Variants in HGSNAT observed in about 807,000 individuals in gnomAD.
The protein encoded by HGSNAT is heparan-alpha-glucosaminide N-acetyltransferase.
Under a neutral mutation model 85.2 loss-of-function variants are expected in HGSNAT, and 59 were observed. The observed-to-expected ratio is 0.69, with a 90% CI of 0.56 to 0.86. The LOEUF is 0.86. Among genes scored for constraint, HGSNAT ranks in the 40% least tolerant of loss-of-function variants. The probability of loss-of-function intolerance (pLI) is 0.00; values close to 1 mark genes in which losing one functional copy is unlikely to be tolerated. For synonymous variants in HGSNAT, 321 were observed against 304.5 expected, an observed-to-expected ratio of 1.05 and a Z score of -0.56; for missense variants, 756 against 777.1, an observed-to-expected ratio of 0.97 and a Z score of 0.32.
chr8:43,153,692 C>T (rs1264992780), intron 2 of HGSNAT, among the ~76,000 whole-genome samples: 1 of 152,182 alleles, frequency 6.6e-6, no homozygotes, highest in Non-Finnish European at 1.5e-5. Context: ...GACTTTTACA[C>T]CTGTTGATCA....
At chr8:43,163,709 G>A (rs1024144825) in intron 5 of HGSNAT, among the ~76,000 whole-genome samples, 1 of 151,856 alleles carries the variant, frequency 6.6e-6, no homozygotes, top group Admixed American at 6.6e-5. Context: ...GTAGAGATGA[G>A]GTTTCAGCAT....
At chr8:43,149,325 C>T (rs1273068900) in intron 2 of HGSNAT, among the ~76,000 whole-genome samples, 1 of 152,054 alleles carries the variant, frequency 6.6e-6, no homozygotes, top group Non-Finnish European at 1.5e-5. Context: ...ACTGGAAAGA[C>T]ACTTATGACT....
At chr8:43,179,249 C>A (rs1473543153) in intron 10 of HGSNAT, among the ~76,000 whole-genome samples, 2 of 151,030 alleles carry the variant, frequency 1.3e-5, no homozygotes, top group African/African-American at 4.9e-5. Flanking sequence ...GCTGACCCCC[C>A]CACCACCCTC....
chr8:43,144,342 A>T lies in HGSNAT; in HGVS notation c.119-2606A>T, dbSNP rs1054168313. Among the ~76,000 whole-genome samples, 1,168 of 151,734 alleles carry T rather than the reference A, an allele frequency of 7.7e-3. 12 individuals are homozygous for T. The highest frequency in any genetic ancestry group is 0.026 in the African/African-American group (1,083 of 41,314). ...TCTGTCTCAAAAAAAAAAAAAAAAA[A>T]ATTTTAACTGGATGTTCCCGATCCT... On this transcript the variant is annotated intron_variant, in intron 1 of 17. Coordinates refer to ENST00000379644, the MANE Select transcript of HGSNAT (RefSeq NM_152419.3).
At position 43,201,278 on chromosome 8, in the gene HGSNAT, AC is replaced by A. The variant is rs879688480; in HGVS notation, c.*1711del. The A allele has an allele frequency of 2.0e-5, 3 of 152,246 alleles. No homozygotes were observed. Among genetic ancestry groups the A allele is most frequent in the Admixed American group, 6.5e-5 (1 of 15,270 alleles). 9.4% of individuals were successfully genotyped at this position (152,246 alleles called of 1,614,324 possible). A position where few individuals can be genotyped will look rare whatever the true frequency, so the allele number is the denominator to read the frequency against. The stretch of plus-strand genomic sequence containing the variant: ...GAGAAACCTCCATTGACATGGAAAC[AC>A]CATTGTCTGGCACACATACTCACAT... On this transcript the variant is annotated 3_prime_UTR_variant, in exon 18 of 18. Transcript: ENST00000379644. This position sits in a 1 kb window ranked among gnomAD's most constrained non-coding sequence, Gnocchi z 4.4.
At chr8:43,168,477 C>T (rs532691050) in intron 5 of HGSNAT, among the ~76,000 whole-genome samples, 13 of 125,016 alleles carry the variant, frequency 1.0e-4, no homozygotes, top group Non-Finnish European at 1.9e-4. Context: ...ACTGCAACTT[C>T]CCTCCGCCTC....
rs1804857271 is a variant in HGSNAT, at chr8:43,199,703, G to A, written c.*134G>A. The A allele has an allele frequency of 1.7e-6, 1 of 588,320 alleles. No homozygotes were observed. The highest frequency in any genetic ancestry group is 3.2e-5 in the East Asian group (1 of 31,700). The allele number at this position is 588,320 out of a possible 1,614,324, so 36.4% of individuals were successfully genotyped here. ...TTTACAGACTCTGGGGGAAGACACT[G>A]ATGTCCTCAAACTGGTTAACTGTGA... On this transcript the variant is annotated 3_prime_UTR_variant, in exon 18 of 18. Coordinates refer to ENST00000379644, the MANE Select transcript of HGSNAT (RefSeq NM_152419.3).
rs73569597 is a variant in HGSNAT, at chr8:43,200,785, G to A, written c.*1216G>A. The A allele has an allele frequency of 0.043, 6,505 of 152,476 alleles. 462 individuals are homozygous for A. Among genetic ancestry groups the A allele is most frequent in the African/African-American group, 0.15 (6,159 of 41,554 alleles). 9.4% of individuals were successfully genotyped at this position (152,476 alleles called of 1,614,324 possible). On this transcript the variant is annotated 3_prime_UTR_variant, in exon 18 of 18. Coordinates refer to ENST00000379644, the MANE Select transcript of HGSNAT (RefSeq NM_152419.3). The stretch of plus-strand genomic sequence containing the variant: ...GGTTGTGCTGTACCCACCCTTCCCC[G>A]GCGAGATGGCCCTCGGCCTGTGCCG...
intron 8 of HGSNAT, 82 bp from the exon 9 acceptor site, chr8:43,173,631 G>A: frequency 2.8e-6 from 4 of 1,435,100 alleles, no homozygotes; most frequent in Non-Finnish European, 3.9e-6. Flanking sequence ...TTCTATACCA[G>A]TGTGTAATGA....
At chr8:43,154,482 A>G (rs1280010855) in intron 2 of HGSNAT, among the ~76,000 whole-genome samples, 1 of 151,876 alleles carries the variant, frequency 6.6e-6, no homozygotes, top group Non-Finnish European at 1.5e-5. Context: ...GCTGAGAATG[A>G]TGGTTTCCAG....
chr8:43,178,844 T>C (rs1430620495), intron 10 of HGSNAT, among the ~76,000 whole-genome samples: 1 of 146,868 alleles, frequency 6.8e-6, no homozygotes, highest in East Asian at 2.0e-4. Context: ...AAGCATCTGT[T>C]TAACAAAGCA....
chr8:43,181,058 G>C (rs1425399683), intron 10 of HGSNAT, among the ~76,000 whole-genome samples: 1 of 109,718 alleles, frequency 9.1e-6, no homozygotes, highest in Non-Finnish European at 1.9e-5. Context: ...GTCCAGCCTT[G>C]GCTCGGCATC....
At chr8:43,176,721 T>C (rs1803824927) in intron 9 of HGSNAT, among the ~76,000 whole-genome samples, 1 of 152,228 alleles carries the variant, frequency 6.6e-6, no homozygotes, top group Non-Finnish European at 1.5e-5. Context: ...TTCAATTTCT[T>C]TCATCAGTGG....
At position 43,201,006 on chromosome 8, in the gene HGSNAT, T is replaced by C. The variant is rs1248334340; in HGVS notation, c.*1437T>C. 1.3e-5 allele frequency: 2 copies of C among 152,474 alleles called. No homozygotes were observed. Among genetic ancestry groups the C allele is most frequent in the Admixed American group, 1.3e-4 (2 of 15,290 alleles). The allele number at this position is 152,474 out of a possible 1,614,324, so 9.4% of individuals were successfully genotyped here. On this transcript the variant is annotated 3_prime_UTR_variant, in exon 18 of 18. Coordinates refer to ENST00000379644, the MANE Select transcript of HGSNAT (RefSeq NM_152419.3). This position sits in a 1 kb window ranked among gnomAD's most constrained non-coding sequence, Gnocchi z 4.4. ...CTTTAGGTTTCCCTGGCTTTGTGAA[T>C]GGATCATGTGTCTCTAGGTATAAAC...
intron 7 of HGSNAT, among the ~76,000 whole-genome samples, chr8:43,172,084 A>G (rs1239799437): frequency 2.0e-5 from 3 of 152,242 alleles, no homozygotes; most frequent in Admixed American, 6.5e-5. Context: ...TTAAGACATC[A>G]TGTTGGCAGT....
intron 11 of HGSNAT, among the ~76,000 whole-genome samples, chr8:43,187,074 T>G (rs1173260236): frequency 1.3e-5 from 2 of 152,202 alleles, no homozygotes; most frequent in African/African-American, 2.4e-5. Context: ...ATGTGGTCAA[T>G]TTTGGAATAA....
chr8:43,193,299 G>A lies in HGSNAT; in HGVS notation c.1378-458G>A, dbSNP rs545790651. On this transcript the variant is annotated intron_variant, in intron 13 of 17. Transcript: ENST00000379644. ...TTTCCAGATTTCTACAATTTCTGCA[G>A]TAACATTTATTTTATAATAAAAAAA... 6.3e-4 allele frequency among the ~76,000 whole-genome samples: 96 copies of A among 152,292 alleles called. No individual in the cohort carries two copies. In the Middle Eastern group the frequency reaches 0.014, roughly 22 times the overall value.
At position 43,173,736 on chromosome 8, in the gene HGSNAT, T is replaced by C; in HGVS notation, c.844T>C (p.Phe282Leu). The change falls in exon 9 of 18, where the codon TTC (phenylalanine) becomes CTC (leucine). Residue 282 changes from phenylalanine to leucine, a missense_variant. Transcript: ENST00000379644. ...AGGGCTGACAGTGGCTGACCTCGTG[T>C]TCCCGTGGTGAGTTGCCGGTCTGCC... ...WNGLTVADLV[F>L]PWFVFIMGSS... The C allele has an allele frequency of 6.2e-7, 1 of 1,612,954 alleles. No individual in the cohort carries two copies. Among genetic ancestry groups the C allele is most frequent in the Non-Finnish European group, 8.5e-7 (1 of 1,179,418 alleles).
intron 13 of HGSNAT, among the ~76,000 whole-genome samples, chr8:43,193,022 G>A (rs1022220449): frequency 1.3e-5 from 2 of 152,222 alleles, no homozygotes; most frequent in African/African-American, 2.4e-5. Flanking sequence ...GGGCACCGGG[G>A]TGGCGCTGCA....
Sources: allele counts gnomAD v4.1 joint callset (sites outside exome capture counted in the v4.1 genomes callset), GRCh38; gene constraint gnomAD v4.1.1; non-coding constraint Gnocchi (gnomAD v3.1); transcripts MANE v1.5; gene names NCBI Gene and HGNC (gene_info 2026-07-23, HGNC 2026-07-21).